STARD13: variants seen among roughly 807,000 people sequenced by gnomAD.
STARD13 encodes StAR related lipid transfer domain containing 13, also known as stAR-related lipid transfer protein 13.
A neutral mutation model predicts 106.4 loss-of-function variants in STARD13; 62 were observed. That is an observed-to-expected ratio of 0.58 (90% CI 0.48 to 0.72). The LOEUF (loss-of-function observed/expected upper bound fraction) is 0.72. STARD13 is among the 30% of genes least tolerant of loss of function. STARD13 has a pLI of 0.00. For missense variants in STARD13, 1,387 were observed against 1,424.0 expected (o/e 0.97, Z 0.42); for synonymous variants, 565 against 553.0 (o/e 1.02, Z -0.31).
chr13:33,676,213 C>G, the STARD13 span, among the ~76,000 whole-genome samples: 108 of 152,272 alleles, frequency 7.1e-4, no homozygotes, highest in Non-Finnish European at 1.1e-3. Context: ...TAATCCCCTC[C>G]CATGCCTAAG....
chr13:33,358,761 G>A, the STARD13 span, among the ~76,000 whole-genome samples: 363 of 152,178 alleles, frequency 2.4e-3, 1 homozygote, highest in African/African-American at 7.7e-3. Flanking sequence ...AGGATGTGGA[G>A]AGTCTTTATG....
the STARD13 span, among the ~76,000 whole-genome samples, chr13:33,434,352 CAAAAA>C: frequency 2.8e-5 from 2 of 70,312 alleles, no homozygotes; most frequent in African/African-American, 6.1e-5. Flanking sequence ...GACTCTGTCT[CAAAAA>C]AAAAAAAAAA....
intron 9 of STARD13, 136 bp downstream of exon 9, chr13:33,112,581 TCTAC>T (rs1298995240): frequency 2.9e-6 from 2 of 697,538 alleles, no homozygotes; most frequent in Non-Finnish European, 4.8e-6. Flanking sequence ...CGTTGATCTA[TCTAC>T]CTACCTATCT....
chr13:33,117,686 T>A (rs1656069705), intron 8 of STARD13: 2 of 935,228 alleles, frequency 2.1e-6, no homozygotes, highest in African/African-American at 3.6e-5. Context: ...ATTTCCTATA[T>A]CCCAAAGAAA....
intron 1 of STARD13, among the ~76,000 whole-genome samples, chr13:33,305,349 GGCTGGA>G (rs1273667411): frequency 6.6e-6 from 1 of 152,188 alleles, no homozygotes; most frequent in Non-Finnish European, 1.5e-5. Flanking sequence ...TTCCATATAA[GGCTGGA>G]GATAAATCTT....
the STARD13 span, among the ~76,000 whole-genome samples, chr13:33,391,675 G>A: frequency 1.3e-5 from 2 of 152,076 alleles, no homozygotes; most frequent in African/African-American, 4.8e-5. Flanking sequence ...GAAATCAGCC[G>A]GGGAGCAGAG....
chr13:33,652,021 G>A, the STARD13 span, among the ~76,000 whole-genome samples: 2 of 152,226 alleles, frequency 1.3e-5, no homozygotes, highest in Non-Finnish European at 2.9e-5. Context: ...ATGTTGAGCA[G>A]TGCCACGTTG....
the STARD13 span, among the ~76,000 whole-genome samples, chr13:33,668,967 G>A: frequency 1.3e-5 from 2 of 152,170 alleles, no homozygotes; most frequent in African/African-American, 2.4e-5. Flanking sequence ...ACCCTGACAG[G>A]TAATACTAAT....
intron 1 of STARD13, among the ~76,000 whole-genome samples, chr13:33,271,971 G>T (rs568784745): frequency 6.6e-6 from 1 of 152,100 alleles, no homozygotes; most frequent in African/African-American, 2.4e-5. Context: ...ACTCCCACTC[G>T]CTGTGTGACT....
intron 3 of STARD13, among the ~76,000 whole-genome samples, chr13:33,158,191 A>AAGAGAGAGAGAGAGAG (rs371245565): frequency 6.7e-6 from 1 of 148,552 alleles, no homozygotes; most frequent in African/African-American, 2.5e-5. Flanking sequence ...GCTAGAGAGA[A>AAGAGAGAGAGAGAGAG]AGAGAGAGAG....
the STARD13 span, among the ~76,000 whole-genome samples, chr13:33,650,165 T>TG: frequency 0.015 from 125 of 8,252 alleles, 8 homozygotes; most frequent in African/African-American, 0.066. Context: ...GTGACTCCAA[T>TG]TTTTTTTTTT....
intron 1 of STARD13, among the ~76,000 whole-genome samples, chr13:33,323,293 T>G (rs1893626183): frequency 6.6e-6 from 1 of 152,130 alleles, no homozygotes; most frequent in African/African-American, 2.4e-5. Flanking sequence ...ACGCCCTTCC[T>G]AACCCTTTCT....
At chr13:33,366,127 T>C in the STARD13 span, among the ~76,000 whole-genome samples, 2 of 152,094 alleles carry the variant, frequency 1.3e-5, no homozygotes, top group Non-Finnish European at 1.5e-5. The surrounding 1 kb of genome is among the most constrained non-coding windows in gnomAD (Gnocchi z 4.2). Context: ...TATAGTATCA[T>C]AGATACAGAA....
exon 1 of STARD13, chr13:33,350,388 T>C: frequency 1.3e-6 from 2 of 1,533,748 alleles, no homozygotes; most frequent in East Asian, 2.5e-5. Context: ...GAGCTGCGTT[T>C]GGCAAGGTTT....
At chr13:33,477,207 A>G in the STARD13 span, among the ~76,000 whole-genome samples, 2 of 152,218 alleles carry the variant, frequency 1.3e-5, no homozygotes, top group South Asian at 4.1e-4. Context: ...CCAGGATTCA[A>G]TTCTACAAAC....
At position 33,144,232 on chromosome 13, in the gene STARD13, C is replaced by T. The variant is rs144037857; in HGVS notation, c.324-1859G>A. 2.2e-4 allele frequency among the ~76,000 whole-genome samples: 33 copies of T among 152,334 alleles called. No individual in the cohort carries two copies. In the East Asian group the frequency reaches 4.4e-3, roughly 20 times the overall value. ...TTCTCTTCAAAACCTGTTTCTCCTA[C>T]GTACTGTCTTGTCTTGACTAAGAGC... On this transcript the variant is annotated intron_variant, in intron 3 of 13. Transcript: ENST00000336934.
chr13:33,312,579 A>G (rs1286436222), intron 1 of STARD13, among the ~76,000 whole-genome samples: 2 of 152,210 alleles, frequency 1.3e-5, no homozygotes, highest in African/African-American at 2.4e-5. Flanking sequence ...GAAAAATGAG[A>G]CATTTGTTCA....
At chr13:33,656,020 C>G in the STARD13 span, among the ~76,000 whole-genome samples, 1 of 152,240 alleles carries the variant, frequency 6.6e-6, no homozygotes, top group Non-Finnish European at 1.5e-5. Flanking sequence ...TGCACCTACT[C>G]TCCTCCCCAC....
intron 1 of STARD13, among the ~76,000 whole-genome samples, chr13:33,248,856 G>A (rs1889960088): frequency 6.6e-6 from 1 of 151,966 alleles, no homozygotes; most frequent in Non-Finnish European, 1.5e-5. Flanking sequence ...GATACTCCCT[G>A]GTCTTAGATT....
Sources: allele counts gnomAD v4.1 joint callset (sites outside exome capture counted in the v4.1 genomes callset), GRCh38; gene constraint gnomAD v4.1.1; non-coding constraint Gnocchi (gnomAD v3.1); transcripts MANE v1.5; gene names NCBI Gene and HGNC (gene_info 2026-07-23, HGNC 2026-07-21).